The following SLC24A2 variants were observed in gnomAD, a reference collection of about 807,000 sequenced individuals.
The protein encoded by SLC24A2 is solute carrier family 24 member 2, also known as sodium/potassium/calcium exchanger 2.
A neutral mutation model predicts 62.0 loss-of-function variants in SLC24A2; 36 were observed. The observed-to-expected ratio is 0.58, with a 90% CI of 0.44 to 0.77. The LOEUF is 0.77. SLC24A2 is among the 30% of genes least tolerant of loss of function. The probability of loss-of-function intolerance (pLI) is 0.00; values close to 1 mark genes in which losing one functional copy is unlikely to be tolerated. For synonymous variants in SLC24A2, 358 were observed against 294.0 expected, an observed-to-expected ratio of 1.22 and a Z score of -2.23; for missense variants, 846 against 817.9, an observed-to-expected ratio of 1.03 and a Z score of -0.42.
the SLC24A2 span, among the ~76,000 whole-genome samples, chr9:20,033,804 T>A: frequency 6.6e-6 from 1 of 152,178 alleles, no homozygotes; most frequent in Non-Finnish European, 1.5e-5. Context: ...AATCCACCCC[T>A]TTTTTAGCAT....
At chr9:20,146,281 T>A in the SLC24A2 span, among the ~76,000 whole-genome samples, 2 of 152,070 alleles carry the variant, frequency 1.3e-5, no homozygotes, top group Non-Finnish European at 2.9e-5. Flanking sequence ...CAAATGTTGG[T>A]AGGTTCTGTC....
chr9:20,076,348 C>T, the SLC24A2 span, among the ~76,000 whole-genome samples: 1 of 152,156 alleles, frequency 6.6e-6, no homozygotes, highest in Non-Finnish European at 1.5e-5. Context: ...ATGAGATTGG[C>T]ACCCAGTTTC....
rs957844562 is a variant in SLC24A2 at position 19,788,912 on chromosome 9, G to T, written c.-181C>A. On this transcript the variant is annotated 5_prime_UTR_variant, in exon 1 of 11. Transcript: ENST00000341998. Reference sequence around the variant, plus strand: ...GGATAAGATGGGAGGACGCGCACACGGCGGGGCCCCCGAGCGCGGCCCGCC... The same window carrying T: ...GGATAAGATGGGAGGACGCGCACACTGCGGGGCCCCCGAGCGCGGCCCGCC... 3.0e-6 allele frequency: 3 copies of T among 985,234 alleles called. No individual in the cohort carries two copies. The highest frequency in any genetic ancestry group is 1.7e-5 in the African/African-American group (1 of 57,252). 61.0% of individuals were successfully genotyped at this position (985,234 alleles called of 1,614,324 possible). A position where few individuals can be genotyped will look rare whatever the true frequency, so the allele number is the denominator to read the frequency against.
At chr9:19,519,617 T>C (rs1327597661) in intron 10 of SLC24A2, among the ~76,000 whole-genome samples, 2 of 152,170 alleles carry the variant, frequency 1.3e-5, no homozygotes, top group East Asian at 1.9e-4. Context: ...CTACCAGTGA[T>C]AGCAATGCAG....
At chr9:20,011,882 C>T in the SLC24A2 span, among the ~76,000 whole-genome samples, 1 of 152,064 alleles carries the variant, frequency 6.6e-6, no homozygotes, top group East Asian at 1.9e-4. Context: ...AAAGATGGCT[C>T]AACATATGCA....
At chr9:19,677,704 A>G (rs1819600485) in intron 2 of SLC24A2, among the ~76,000 whole-genome samples, 1 of 151,926 alleles carries the variant, frequency 6.6e-6, no homozygotes, top group African/African-American at 2.4e-5. Context: ...ATACAAATAC[A>G]TTTACATATC....
rs565092601 is a variant in SLC24A2, at chr9:19,652,876, G to C, written c.931-30577C>G. 1.1e-4 allele frequency among the ~76,000 whole-genome samples: 17 copies of C among 151,862 alleles called. 1 individual carries two copies. In the South Asian group the frequency reaches 3.3e-3, roughly 30 times the overall value. ...TTTAACCAATATTCGTGAAGCCCCT[G>C]CTATGTGCCAGGCACTGTGATTATG... is the stretch of plus-strand genomic sequence containing the variant. On this transcript the variant is annotated intron_variant, in intron 2 of 10. Coordinates refer to ENST00000341998, the MANE Select transcript of SLC24A2 (RefSeq NM_020344.4).
the SLC24A2 span, among the ~76,000 whole-genome samples, chr9:19,821,885 T>A: frequency 6.6e-6 from 1 of 152,154 alleles, no homozygotes; most frequent in Non-Finnish European, 1.5e-5. Flanking sequence ...ACCTACATAT[T>A]CTTTGTGTTT....
At chr9:20,028,368 C>G in the SLC24A2 span, among the ~76,000 whole-genome samples, 8 of 152,170 alleles carry the variant, frequency 5.3e-5, no homozygotes, top group Admixed American at 2.0e-4. Flanking sequence ...AAGAGGGGTT[C>G]AATACTTTTA....
chr9:19,580,261 G>C (rs894764614), intron 5 of SLC24A2, among the ~76,000 whole-genome samples: 1 of 152,182 alleles, frequency 6.6e-6, no homozygotes. Context: ...CATCCTAAGC[G>C]CTGACAATGG....
Position 19,786,309 on chromosome 9 carries a change from G to T in SLC24A2, c.558C>A (p.Ala186=). Residue 186 remains alanine (A), a synonymous_variant, in exon 2 of 11, where the codon GCC becomes GCA. Coordinates refer to ENST00000341998, the MANE Select transcript of SLC24A2 (RefSeq NM_020344.4). The surrounding 1 kb of genome is among the most constrained non-coding windows in gnomAD (Gnocchi z 5.0). ...CTATGAGAGATGTGAAAAGTTCTGG[G>T]GCTGACCCTCCTGCAGCCATGAAGG... The part of the protein sequence containing the change: ...GATFMAAGGS[A]PELFTSLIGV... 1 of 1,614,148 alleles carries T rather than the reference G, an allele frequency of 6.2e-7. No homozygotes were observed. The highest frequency in any genetic ancestry group is 8.5e-7 in the Non-Finnish European group (1 of 1,180,024).
intron 7 of SLC24A2, among the ~76,000 whole-genome samples, chr9:19,554,108 G>A (rs1028255585): frequency 6.6e-6 from 1 of 152,098 alleles, no homozygotes; most frequent in Admixed American, 6.5e-5. Flanking sequence ...CCTTATAGGA[G>A]AAGATTAGGA....
At chr9:19,610,852 G>A (rs903370571) in intron 4 of SLC24A2, among the ~76,000 whole-genome samples, 13 of 152,204 alleles carry the variant, frequency 8.5e-5, no homozygotes, top group Admixed American at 7.9e-4. Flanking sequence ...ATAAAGGCAA[G>A]TACTCATTCA....
intron 2 of SLC24A2, among the ~76,000 whole-genome samples, chr9:19,658,799 C>T (rs1885226): frequency 1.4e-3 from 220 of 152,266 alleles, no homozygotes; most frequent in African/African-American, 5.2e-3. Flanking sequence ...TCTTAGCTCC[C>T]TTCTGTCTAG....
At chr9:20,006,067 G>A in the SLC24A2 span, among the ~76,000 whole-genome samples, 1 of 151,140 alleles carries the variant, frequency 6.6e-6, no homozygotes, top group African/African-American at 2.4e-5. Flanking sequence ...AATTTATCTG[G>A]CTTAATAAGA....
chr9:20,004,701 G>C, the SLC24A2 span, among the ~76,000 whole-genome samples: 1 of 152,230 alleles, frequency 6.6e-6, no homozygotes, highest in Admixed American at 6.5e-5. Context: ...TGTGTTCATG[G>C]CAATATGATA....
the SLC24A2 span, among the ~76,000 whole-genome samples, chr9:20,104,449 G>C: frequency 6.6e-6 from 1 of 152,204 alleles, no homozygotes; most frequent in Non-Finnish European, 1.5e-5. Context: ...CAGTCAGAGA[G>C]AAAGGTCGGG....
chr9:20,062,990 C>T, the SLC24A2 span, among the ~76,000 whole-genome samples: 1 of 117,430 alleles, frequency 8.5e-6, no homozygotes, highest in South Asian at 3.1e-4. Context: ...AGTCAGGAAA[C>T]AACAGCTGCT....
chr9:19,959,657 G>A, the SLC24A2 span, among the ~76,000 whole-genome samples: 1 of 152,114 alleles, frequency 6.6e-6, no homozygotes, highest in African/African-American at 2.4e-5. Flanking sequence ...GGTGTTGAAG[G>A]ATTCAAAACT....
Sources: allele counts gnomAD v4.1 joint callset (sites outside exome capture counted in the v4.1 genomes callset), GRCh38; gene constraint gnomAD v4.1.1; non-coding constraint Gnocchi (gnomAD v3.1); transcripts MANE v1.5; gene names NCBI Gene and HGNC (gene_info 2026-07-23, HGNC 2026-07-21).